The following HNRNPH2 variants were observed in gnomAD, a reference collection of about 807,000 sequenced individuals.
HNRNPH2 encodes FTP-3.
For synonymous variants in HNRNPH2, 128 were observed against 128.2 expected (o/e 1.00, Z 0.01); for missense variants, 115 against 352.9 (o/e 0.33, Z 5.40).
intron 1 of HNRNPH2, 69 bp downstream of exon 1, chrX:101,408,388 C>T: frequency 6.0e-6 from 1 of 165,717 alleles, no homozygotes; most frequent in Non-Finnish European, 1.2e-5. Flanking sequence ...GGTTCGGGGG[C>T]CGCCTCCGCC....
Position 101,412,933 on chromosome X carries a change from G to C in HNRNPH2, c.945G>C (p.Met315Ile). 8.3e-7 allele frequency: 1 copy of C among 1,210,469 alleles called. No individual in the cohort carries two copies. The highest frequency in any genetic ancestry group is 1.1e-6 in the Non-Finnish European group (1 of 894,268). Residue 315 changes from methionine to isoleucine, a missense_variant, in exon 2 of 2, where the codon ATG becomes ATC. Met to Ile is a conservative substitution (Grantham distance 10). Transcript: ENST00000316594. Reference sequence around the variant, plus strand: ...ATTTCTTCTCACCTCTTAATCCCATGAGAGTACATATTGAAATTGGACCCG... The same window carrying C: ...ATTTCTTCTCACCTCTTAATCCCATCAGAGTACATATTGAAATTGGACCCG... ...IYNFFSPLNP[M>I]RVHIEIGPDG...
Position 101,408,307 on chromosome X carries a change from G to C in HNRNPH2, c.-66G>C, listed in dbSNP as rs1401179665. 1.6e-5 allele frequency: 4 copies of C among 243,994 alleles called. No individual in the cohort carries two copies. The highest frequency in any genetic ancestry group is 2.9e-5 in the African/African-American group (1 of 34,798). The allele number at this position is 243,994 out of a possible 1,213,427, so 20.1% of individuals were successfully genotyped here. A position where few individuals can be genotyped will look rare whatever the true frequency, so the allele number is the denominator to read the frequency against. ...GAGGGAAGAAGGAGGAAAATTACCC[G>C]GTATCGTTAGAGGTTGGTGTGTGGG... On this transcript the variant is annotated 5_prime_UTR_variant, in exon 1 of 2. Transcript: ENST00000316594.
At position 101,411,932 on chromosome X, in the gene HNRNPH2, T is replaced by C. The variant is rs1012280506; in HGVS notation, c.-53-4T>C. The C allele has an allele frequency of 7.1e-6, 8 of 1,128,712 alleles. No homozygotes were observed. The African/African-American group carries it at 7.5e-5, about 11-fold the overall frequency. 93.0% of individuals were successfully genotyped at this position (1,128,712 alleles called of 1,213,427 possible). A position where few individuals can be genotyped will look rare whatever the true frequency, so the allele number is the denominator to read the frequency against. On this transcript the variant is annotated splice_region_variant and splice_polypyrimidine_tract_variant and intron_variant, in intron 1 of 1. Coordinates refer to ENST00000316594, the MANE Select transcript of HNRNPH2 (RefSeq NM_019597.5). ...GACAGTAGTCTTCTTTTTTTTTTTT[T>C]CAGCTACACCAAAATTGCATTGAGC...
Position 101,411,975 on chromosome X carries a change from G to A in HNRNPH2, c.-14G>A, listed in dbSNP as rs1185954552. On this transcript the variant is annotated 5_prime_UTR_variant, in exon 2 of 2. Transcript: ENST00000316594. ...CATTGAGCCAAACTTGCCACCAAGAGCCCAACAATCACCATGATGCTGAGC... is the reference window on the plus strand; with the variant it reads ...CATTGAGCCAAACTTGCCACCAAGAACCCAACAATCACCATGATGCTGAGC... 8.5e-7 allele frequency: 1 copy of A among 1,178,152 alleles called. No individual in the cohort carries two copies. Among genetic ancestry groups the A allele is most frequent in the African/African-American group, 1.8e-5 (1 of 54,288 alleles).
In HNRNPH2 at chrX:101,412,063, T is replaced by C. The variant is rs1248050563; in HGVS notation, c.75T>C (p.Asp25=). 8.3e-7 allele frequency: 1 copy of C among 1,208,832 alleles called. No individual in the cohort carries two copies. The change falls in exon 2 of 2, where the codon GAT becomes GAC. Residue 25 remains aspartate, a synonymous_variant. Coordinates refer to ENST00000316594, the MANE Select transcript of HNRNPH2 (RefSeq NM_019597.5). ...GCCTACCCTGGTCCTGCTCAGCCGATGAAGTGATGCGCTTCTTCTCTGATT... is the reference window on the plus strand; with the variant it reads ...GCCTACCCTGGTCCTGCTCAGCCGACGAAGTGATGCGCTTCTTCTCTGATT... ...VRGLPWSCSA[D]EVMRFFSDCK... is the part of the protein sequence containing the mutation.
At chrX:101,409,786 A>G (rs1279734589) in intron 1 of HNRNPH2, among the ~76,000 whole-genome samples, 1 of 112,089 alleles carries the variant, frequency 8.9e-6, no homozygotes, top group Admixed American at 9.5e-5. Context: ...TATAAGTAGG[A>G]TCATACTATG....
Position 101,412,664 on chromosome X carries a change from G to C in HNRNPH2, c.676G>C (p.Ala226Pro). 8.3e-7 allele frequency: 1 copy of C among 1,211,461 alleles called. No individual in the cohort carries two copies. Among genetic ancestry groups the C allele is most frequent in the South Asian group, 1.8e-5 (1 of 57,011 alleles). ...AGGGTATAATAGCATTGGCAGAGGA[G>C]CTGGGTTTGAAAGGATGAGGCGTGG... The part of the protein sequence containing the change: ...GRGYNSIGRG[A>P]GFERMRRGAY... Residue 226 changes from alanine (A) to proline (P), a missense_variant, in exon 2 of 2, where the codon GCT becomes CCT. Coordinates refer to ENST00000316594, the MANE Select transcript of HNRNPH2 (RefSeq NM_019597.5).
rs781968054 is a variant in HNRNPH2, at chrX:101,408,306, C to T, written c.-67C>T. On this transcript the variant is annotated 5_prime_UTR_variant, in exon 1 of 2. Coordinates refer to ENST00000316594, the MANE Select transcript of HNRNPH2 (RefSeq NM_019597.5). ...TGAGGGAAGAAGGAGGAAAATTACCCGGTATCGTTAGAGGTTGGTGTGTGG... is the reference window on the plus strand; with the variant it reads ...TGAGGGAAGAAGGAGGAAAATTACCTGGTATCGTTAGAGGTTGGTGTGTGG... The T allele has an allele frequency of 3.9e-4, 96 of 243,071 alleles. No homozygotes were observed. Among genetic ancestry groups the T allele is most frequent in the Non-Finnish European group, 6.7e-4 (88 of 131,916 alleles). The allele number at this position is 243,071 out of a possible 1,213,427, so 20.0% of individuals were successfully genotyped here.
chrX:101,412,932 T>C lies in HNRNPH2; in HGVS notation c.944T>C (p.Met315Thr). ...AATTTCTTCTCACCTCTTAATCCCA[T>C]GAGAGTACATATTGAAATTGGACCC... ...IYNFFSPLNP[M>T]RVHIEIGPDG... Residue 315 changes from methionine (M) to threonine (T), a missense_variant, in exon 2 of 2, where the codon ATG becomes ACG. Transcript: ENST00000316594. 1 of 1,209,877 alleles carries C rather than the reference T, an allele frequency of 8.3e-7. No individual in the cohort carries two copies. Among genetic ancestry groups the C allele is most frequent in the Non-Finnish European group, 1.1e-6 (1 of 893,831 alleles).
rs782617767 is a variant in HNRNPH2 at position 101,411,404 on chromosome X, A to ATT, written c.-53-505_-53-504dup. ...ATCTCCCACTGATTTGTTGCTGTTA[A>ATT]TTTTTTTTTTTTTTTTTTTTTTTTT... On this transcript the variant is annotated intron_variant, in intron 1 of 1. Coordinates refer to ENST00000316594, the MANE Select transcript of HNRNPH2 (RefSeq NM_019597.5). 8.8e-4 allele frequency among the ~76,000 whole-genome samples: 43 copies of ATT among 48,952 alleles called. 3 individuals carry two copies. The highest frequency in any genetic ancestry group is 1.7e-3 in the East Asian group (3 of 1,771). The allele number at this position is 48,952 out of a possible 115,157, so 42.5% of individuals were successfully genotyped here.
At chrX:101,411,015 C>T (rs1169729392) in intron 1 of HNRNPH2, among the ~76,000 whole-genome samples, 3 of 111,748 alleles carry the variant, frequency 2.7e-5, no homozygotes, top group Non-Finnish European at 5.6e-5. Flanking sequence ...AGGGTCATGG[C>T]AAGTATAATG....
At chrX:101,408,516 T>C (rs1928645467) in intron 1 of HNRNPH2, among the ~76,000 whole-genome samples, 197 bp downstream of exon 1, 1 of 108,904 alleles carries the variant, frequency 9.2e-6, no homozygotes, top group Non-Finnish European at 1.9e-5. Context: ...CTCATGACTG[T>C]GTATGTGTTT....
Position 101,409,147 on chromosome X carries a change from CAA to C in HNRNPH2, c.-54+844_-54+845del, listed in dbSNP as rs58205291. Among the ~76,000 whole-genome samples, 461 of 57,302 alleles carry C rather than the reference CAA, an allele frequency of 8.0e-3. 1 individual carries two copies. The highest frequency in any genetic ancestry group is 0.018 in the African/African-American group (376 of 20,384). The allele number at this position is 57,302 out of a possible 115,157, so 49.8% of individuals were successfully genotyped here. A position where few individuals can be genotyped will look rare whatever the true frequency, so the allele number is the denominator to read the frequency against. Reference sequence around the variant, plus strand: ...CGGGTTATCCCAGGGATAAGGCAAGCAAAAAAAAAAAAAAAAATCCTGCAAAA... The same window carrying C: ...CGGGTTATCCCAGGGATAAGGCAAGCAAAAAAAAAAAAAAATCCTGCAAAA... On this transcript the variant is annotated intron_variant, in intron 1 of 1. Transcript: ENST00000316594.
rs1928821326 is a variant in HNRNPH2 at position 101,411,924 on chromosome X, T to A, written c.-53-12T>A. ...TTTTCCATGACAGTAGTCTTCTTTT[T>A]TTTTTTTTCAGCTACACCAAAATTG... On this transcript the variant is annotated splice_polypyrimidine_tract_variant and intron_variant, in intron 1 of 1. Transcript: ENST00000316594. 2.6e-6 allele frequency: 3 copies of A among 1,136,327 alleles called. No homozygotes were observed. In the East Asian group the frequency reaches 9.1e-5, roughly 35 times the overall value. 93.6% of individuals were successfully genotyped at this position (1,136,327 alleles called of 1,213,427 possible).
intron 1 of HNRNPH2, among the ~76,000 whole-genome samples, chrX:101,411,570 C>T (rs1008140134): frequency 1.0e-4 from 11 of 108,463 alleles, no homozygotes; most frequent in East Asian, 5.8e-4. Context: ...CCTGCCACCA[C>T]GCCCAGCCAA....
rs3027580 is a variant in HNRNPH2, at chrX:101,408,672, C to G, written c.-54+353C>G. Reference sequence around the variant, plus strand: ...GTGCTGGTCTATCCATTCAGGCACTCAGTCTCCACTGCCTGATTGTCTGTA... The same window carrying G: ...GTGCTGGTCTATCCATTCAGGCACTGAGTCTCCACTGCCTGATTGTCTGTA... On this transcript the variant is annotated intron_variant, in intron 1 of 1. Coordinates refer to ENST00000316594, the MANE Select transcript of HNRNPH2 (RefSeq NM_019597.5). Among the ~76,000 whole-genome samples, 7,654 of 111,268 alleles carry G rather than the reference C, an allele frequency of 0.069. 205 individuals are homozygous for G. The highest frequency in any genetic ancestry group is 0.28 in the South Asian group (723 of 2,625).
intron 1 of HNRNPH2, among the ~76,000 whole-genome samples, chrX:101,409,248 A>T (rs182658033): frequency 1.8e-5 from 2 of 112,548 alleles, no homozygotes; most frequent in African/African-American, 6.4e-5. Flanking sequence ...TTATCACTGC[A>T]GATGCAGTGT....
Position 101,413,453 on chromosome X carries a change from T to C in HNRNPH2, c.*115T>C, listed in dbSNP as rs1161308459. On this transcript the variant is annotated 3_prime_UTR_variant, in exon 2 of 2. Coordinates refer to ENST00000316594, the MANE Select transcript of HNRNPH2 (RefSeq NM_019597.5). ...CAGTATGATTGGTAAATGGGAAATA[T>C]AATTGATTCTGATCACTCTTGGTCA... 3.4e-6 allele frequency: 2 copies of C among 591,102 alleles called. No homozygotes were observed. Among genetic ancestry groups the C allele is most frequent in the South Asian group, 3.6e-5 (1 of 27,588 alleles). The allele number at this position is 591,102 out of a possible 1,213,427, so 48.7% of individuals were successfully genotyped here.
Position 101,413,388 on chromosome X carries a change from T to C in HNRNPH2, c.*50T>C. On this transcript the variant is annotated 3_prime_UTR_variant, in exon 2 of 2. Transcript: ENST00000316594. ...ACTCCAGATATAAAAGCTGTACATTTGTGGGAGTTGAATAGAATGGGAGGG... is the reference window on the plus strand; with the variant it reads ...ACTCCAGATATAAAAGCTGTACATTCGTGGGAGTTGAATAGAATGGGAGGG... The C allele has an allele frequency of 9.7e-7, 1 of 1,026,036 alleles. No individual in the cohort carries two copies. The highest frequency in any genetic ancestry group is 1.3e-6 in the Non-Finnish European group (1 of 756,140). The allele number at this position is 1,026,036 out of a possible 1,213,427, so 84.6% of individuals were successfully genotyped here. A position where few individuals can be genotyped will look rare whatever the true frequency, so the allele number is the denominator to read the frequency against.
Sources: gnomAD v4.1 joint callset for allele counts (sites outside exome capture counted in the v4.1 genomes callset) on GRCh38, gnomAD v4.1.1 for gene constraint, MANE v1.5 for transcripts, NCBI Gene and HGNC (gene_info 2026-07-23, HGNC 2026-07-21) for gene names.